CEMIP2: variants seen among roughly 807,000 people sequenced by gnomAD.
CEMIP2 encodes cell migration inducing hyaluronidase 2, also known as cell surface hyaluronidase CEMIP2.
In CEMIP2, 79 loss-of-function variants were observed where a neutral mutation model predicts 146.9. The observed-to-expected ratio is 0.54, with a 90% CI of 0.45 to 0.65. The LOEUF (loss-of-function observed/expected upper bound fraction) is 0.65. Ranked by LOEUF, CEMIP2 falls within the 30% of genes least tolerant of loss-of-function variation. The pLI is 0.00. For missense variants in CEMIP2, 1,596 were observed against 1,696.2 expected, an observed-to-expected ratio of 0.94 and a Z score of 1.04; for synonymous variants, 601 against 606.3, an observed-to-expected ratio of 0.99 and a Z score of 0.13.
intron 21 of CEMIP2, among the ~76,000 whole-genome samples, chr9:71,694,103 ATTTATTTATTTATTTAT>A (rs997521374): frequency 1.1e-4 from 3 of 27,552 alleles, no homozygotes; most frequent in African/African-American, 2.7e-4. Context: ...GTTTATTTTT[ATTTATTTATTTATTTAT>A]TTATTTATTT....
At chr9:71,728,231 CTATA>C (rs767770130) in intron 10 of CEMIP2, among the ~76,000 whole-genome samples, 5 of 14,774 alleles carry the variant, frequency 3.4e-4, no homozygotes, top group African/African-American at 9.1e-4. Flanking sequence ...CTCTCTCTCT[CTATA>C]TATATATATA....
At chr9:71,690,661 C>A (rs1453547466) in intron 21 of CEMIP2, among the ~76,000 whole-genome samples, 2 of 152,052 alleles carry the variant, frequency 1.3e-5, no homozygotes, top group Non-Finnish European at 2.9e-5. Context: ...GAAAAGAATA[C>A]ACACACACAC....
chr9:71,728,250 T>TATATATATATAC (rs1564012216), intron 10 of CEMIP2, among the ~76,000 whole-genome samples: 6 of 23,448 alleles, frequency 2.6e-4, no homozygotes, highest in South Asian at 2.6e-3. Context: ...TATATATATA[T>TATATATATATAC]GTATATACAC....
chr9:71,709,338 T>G lies in CEMIP2; in HGVS notation c.2906A>C (p.Asp969Ala), dbSNP rs376266918. ...GYKDAYVGRM[D>A]NYLIRHPSCV... The stretch of plus-strand genomic sequence containing the variant: ...GCTTGGATGGCGGATCAGGTAGTTG[T>G]CCATTCTTCCCACATAAGCATCCTT... Residue 969 changes from aspartate (D) to alanine (A), a missense_variant, in exon 17 of 24, where the codon GAC becomes GCC. Asp to Ala is a moderately radical substitution (Grantham distance 126). Coordinates refer to ENST00000377044, the MANE Select transcript of CEMIP2 (RefSeq NM_013390.3). 1.1e-4 allele frequency: 182 copies of G among 1,614,062 alleles called. No homozygotes were observed. The highest frequency in any genetic ancestry group is 1.4e-4 in the Non-Finnish European group (166 of 1,180,032).
intron 1 of CEMIP2, 131 bp downstream of exon 1, chr9:71,768,226 G>T (rs1824858946): frequency 6.6e-6 from 1 of 151,980 alleles, no homozygotes; most frequent in African/African-American, 2.4e-5. Context: ...AATGCCCAAC[G>T]CCGGAGCCGG....
At chr9:71,709,176 GAAAAGC>G in intron 17 of CEMIP2, 77 bp downstream of exon 17, 1 of 1,293,914 alleles carries the variant, frequency 7.7e-7, no homozygotes, top group South Asian at 1.2e-5. Flanking sequence ...CAATCACACT[GAAAAGC>G]TGAAGAGTAC....
intron 2 of CEMIP2, 69 bp from the exon 3 acceptor site, chr9:71,746,410 A>G (rs1824090754): frequency 1.9e-6 from 3 of 1,565,062 alleles, no homozygotes; most frequent in Non-Finnish European, 1.7e-6. Context: ...TCTAAGCACT[A>G]CCATTATTTA....
In CEMIP2 at chr9:71,765,626, TC is replaced by T. The variant is rs1352531981; in HGVS notation, c.-13+2730del. On this transcript the variant is annotated intron_variant, in intron 1 of 23. Coordinates refer to ENST00000377044, the MANE Select transcript of CEMIP2 (RefSeq NM_013390.3). ...CAAATTTTATTTCTCACAAAATTGCTCCCCCACCCCCAACTGTTCCTTCTCT... is the reference window on the plus strand; with the variant it reads ...CAAATTTTATTTCTCACAAAATTGCTCCCCACCCCCAACTGTTCCTTCTCT... 1.6e-4 allele frequency among the ~76,000 whole-genome samples: 25 copies of T among 152,172 alleles called. 1 individual carries two copies. The highest frequency in any genetic ancestry group is 1.0e-3 in the Admixed American group (16 of 15,272).
At chr9:71,757,392 C>T (rs1248452587) in intron 1 of CEMIP2, among the ~76,000 whole-genome samples, 3 of 152,176 alleles carry the variant, frequency 2.0e-5, no homozygotes, top group African/African-American at 7.2e-5. Context: ...AAACAATACT[C>T]AACCTAAGGG....
At chr9:71,688,748 C>T (rs1179946662) in intron 22 of CEMIP2, among the ~76,000 whole-genome samples, 3 of 152,088 alleles carry the variant, frequency 2.0e-5, no homozygotes, top group Admixed American at 6.6e-5. Context: ...AGTCTAAGCA[C>T]GGCTACCCTG....
chr9:71,702,396 C>CG (rs202138094), intron 18 of CEMIP2, among the ~76,000 whole-genome samples: 3,113 of 143,108 alleles, frequency 0.022, 51 homozygotes, highest in Middle Eastern at 0.046. Context: ...TAGCAAAATG[C>CG]GGGGGGGCGG....
intron 4 of CEMIP2, among the ~76,000 whole-genome samples, chr9:71,743,427 A>G (rs1823981995): frequency 6.6e-6 from 1 of 152,206 alleles, no homozygotes; most frequent in African/African-American, 2.4e-5. Context: ...CATATTTCAA[A>G]AACAAAAACC....
At chr9:71,743,165 C>CAT (rs79777047) in intron 4 of CEMIP2, among the ~76,000 whole-genome samples, 10,765 of 152,290 alleles carry the variant, frequency 0.071, 540 homozygotes, top group South Asian at 0.19. Flanking sequence ...CAAAATATAA[C>CAT]ATTGTCGGCT....
rs578074389 is a variant in CEMIP2 at position 71,756,622 on chromosome 9, A to G, written c.-12-6237T>C. On this transcript the variant is annotated intron_variant, in intron 1 of 23. Coordinates refer to ENST00000377044, the MANE Select transcript of CEMIP2 (RefSeq NM_013390.3). ...CATCCTTGAGGCTCTGGGCAATTTGACTAATTTCTATATCAGTTTCTCTGA... is the reference window on the plus strand; with the variant it reads ...CATCCTTGAGGCTCTGGGCAATTTGGCTAATTTCTATATCAGTTTCTCTGA... Among the ~76,000 whole-genome samples the G allele has an allele frequency of 1.7e-4, 26 of 152,088 alleles. No homozygotes were observed. In the South Asian group the frequency reaches 5.2e-3, roughly 30 times the overall value.
chr9:71,687,062 C>T (rs1427682952), intron 22 of CEMIP2: 2 of 152,214 alleles, frequency 1.3e-5, no homozygotes, highest in Admixed American at 6.5e-5. Context: ...TCTGATCTTG[C>T]TCTTCTCTGC....
chr9:71,700,819 T>A lies in CEMIP2; in HGVS notation c.3200A>T (p.Asp1067Val). The change falls in exon 19 of 24, where the codon GAC becomes GTC. Residue 1067 changes from aspartate (D) to valine (V), a missense_variant. By Grantham distance (152) the Asp-to-Val change is radical. Transcript: ENST00000377044. ...FLYLVNFNKNDWIRVGLCYPS... is the reference protein window; with the variant it reads ...FLYLVNFNKNVWIRVGLCYPS... ...ATAGCAAAGGCCAACTCGAATCCAG[T>A]CATTCCTTTAAAGGAGAAACATAAA... 1 of 1,606,764 alleles carries A rather than the reference T, an allele frequency of 6.2e-7. No individual in the cohort carries two copies. The highest frequency in any genetic ancestry group is 1.1e-5 in the South Asian group (1 of 89,726).
At chr9:71,732,627 A>G in intron 6 of CEMIP2, 107 bp from the exon 7 acceptor site, 1 of 1,020,660 alleles carries the variant, frequency 9.8e-7, no homozygotes, top group Non-Finnish European at 1.3e-6. Context: ...TGATCCTGAC[A>G]ACTTATCATC....
In CEMIP2 at chr9:71,762,847, C is replaced by CA. The variant is rs557940480; in HGVS notation, c.-13+5509dup. On this transcript the variant is annotated intron_variant, in intron 1 of 23. Transcript: ENST00000377044. ...GCAACATGGTGAAACCCTATCTCTA[C>CA]AAAAAAATATAAAGATTAGCTGGGC... Among the ~76,000 whole-genome samples, 64 of 151,820 alleles carry CA rather than the reference C, an allele frequency of 4.2e-4. 1 individual carries two copies. The highest frequency in any genetic ancestry group is 1.4e-3 in the African/African-American group (58 of 41,424).
intron 6 of CEMIP2, 122 bp downstream of exon 6, chr9:71,734,684 T>C: frequency 2.4e-6 from 2 of 849,788 alleles, no homozygotes; most frequent in Non-Finnish European, 3.5e-6. Context: ...TGACTTTCAA[T>C]ACTGATGATT....
Sources: allele counts gnomAD v4.1 joint callset (sites outside exome capture counted in the v4.1 genomes callset), GRCh38; gene constraint gnomAD v4.1.1; transcripts MANE v1.5; gene names NCBI Gene and HGNC (gene_info 2026-07-23, HGNC 2026-07-21).